Variants in MACROD2 observed in about 807,000 individuals in gnomAD.
MACROD2 encodes the protein ADP-ribose glycohydrolase MACROD2.
MACROD2 carries 36 observed loss-of-function variants against 70.4 expected under a neutral mutation model. That is an observed-to-expected ratio of 0.51 (90% CI 0.39 to 0.68). The LOEUF (loss-of-function observed/expected upper bound fraction) is 0.68. Among genes scored for constraint, MACROD2 ranks in the 30% least tolerant of loss-of-function variants. The pLI is 0.00. For synonymous variants in MACROD2, 172 were observed against 178.8 expected (o/e 0.96, Z 0.30); for missense variants, 496 against 538.4 (o/e 0.92, Z 0.78).
chr20:15,021,970 C>T (rs1218191874), intron 5 of MACROD2, among the ~76,000 whole-genome samples: 1 of 151,990 alleles, frequency 6.6e-6, no homozygotes, highest in Non-Finnish European at 1.5e-5. Context: ...ACTTTCAGCT[C>T]AATTCTTCTG....
chr20:14,343,203 C>T (rs1405016166), intron 3 of MACROD2, among the ~76,000 whole-genome samples: 1 of 151,478 alleles, frequency 6.6e-6, no homozygotes, highest in Non-Finnish European at 1.5e-5. Context: ...CTTGCCACTC[C>T]CCAGTGCCCT....
chr20:15,494,924 T>A (rs1202023203), intron 7 of MACROD2, among the ~76,000 whole-genome samples: 2 of 152,220 alleles, frequency 1.3e-5, no homozygotes, highest in African/African-American at 2.4e-5. Flanking sequence ...AGTAGAAAAC[T>A]AAGCTTTGGA....
intron 5 of MACROD2, among the ~76,000 whole-genome samples, chr20:14,927,932 C>T (rs1201128913): frequency 2.0e-5 from 3 of 152,152 alleles, no homozygotes; most frequent in African/African-American, 4.8e-5. Flanking sequence ...TTCAACAGTG[C>T]AGAATGCTGG....
chr20:14,521,155 C>A (rs776260662), intron 4 of MACROD2, among the ~76,000 whole-genome samples: 4 of 152,164 alleles, frequency 2.6e-5, no homozygotes, highest in Non-Finnish European at 4.4e-5. Context: ...TCATCTCTTC[C>A]ATATGCTTTC....
intron 5 of MACROD2, among the ~76,000 whole-genome samples, chr20:15,031,557 T>G (rs1600975191): frequency 6.6e-6 from 1 of 152,034 alleles, no homozygotes; most frequent in African/African-American, 2.4e-5. Flanking sequence ...GCGGCTAGCG[T>G]TCAGCAGAGA....
chr20:14,521,479 T>C lies in MACROD2; in HGVS notation c.301+27971T>C, dbSNP rs368584083. Among the ~76,000 whole-genome samples, 6 of 152,312 alleles carry C rather than the reference T, an allele frequency of 3.9e-5. No individual in the cohort carries two copies. The South Asian group carries it at 8.3e-4, about 21-fold the overall frequency. ...AAGATTATCTTTATATCCCTCTACC[T>C]GCAGGTTTGTCTCCTACGGAAGACT... On this transcript the variant is annotated intron_variant, in intron 4 of 17. Coordinates refer to ENST00000684519, the MANE Select transcript of MACROD2 (RefSeq NM_001351661.2).
chr20:15,286,895 G>A (rs1234575258), intron 6 of MACROD2, among the ~76,000 whole-genome samples: 1 of 152,104 alleles, frequency 6.6e-6, no homozygotes, highest in Non-Finnish European at 1.5e-5. Flanking sequence ...GGGTAGGCAT[G>A]GGTTGGAGAT....
At chr20:14,879,221 C>G (rs578189476) in intron 5 of MACROD2, among the ~76,000 whole-genome samples, 1 of 152,228 alleles carries the variant, frequency 6.6e-6, no homozygotes, top group South Asian at 2.1e-4. Context: ...TTTACATTCA[C>G]TAACAACCCA....
rs11372104 is a variant in MACROD2 at position 14,088,327 on chromosome 20, T to TAAA, written c.271+2617_271+2619dup. 3.3e-3 allele frequency among the ~76,000 whole-genome samples: 393 copies of TAAA among 117,848 alleles called. 7 individuals are homozygous for TAAA. Among genetic ancestry groups the TAAA allele is most frequent in the African/African-American group, 0.012 (351 of 30,268 alleles). The allele number at this position is 117,848 out of a possible 152,430, so 77.3% of individuals were successfully genotyped here. ...CCTGGCGTCAGAGCGAGACTCCATC[T>TAAA]AAAAAAAAAAAAAAAAAAAAGTTAA... On this transcript the variant is annotated intron_variant, in intron 3 of 17. Transcript: ENST00000684519.
chr20:15,784,767 C>A (rs2051892751), intron 8 of MACROD2, among the ~76,000 whole-genome samples: 1 of 151,820 alleles, frequency 6.6e-6, no homozygotes, highest in Admixed American at 6.6e-5. Context: ...AAATGGGGGG[C>A]CATGGTAGAT....
chr20:15,802,782 A>G (rs2063737690), intron 8 of MACROD2, among the ~76,000 whole-genome samples: 1 of 152,132 alleles, frequency 6.6e-6, no homozygotes, highest in African/African-American at 2.4e-5. Flanking sequence ...AAGACTAATC[A>G]AGAAAAAAGA....
At position 15,875,938 on chromosome 20, in the gene MACROD2, G is replaced by T. The variant is rs181918353; in HGVS notation, c.728-9826G>T. 1.9e-3 allele frequency among the ~76,000 whole-genome samples: 287 copies of T among 151,588 alleles called. 1 individual carries two copies. Among genetic ancestry groups the T allele is most frequent in the Middle Eastern group, 3.4e-3 (1 of 294 alleles). On this transcript the variant is annotated intron_variant, in intron 9 of 17. Coordinates refer to ENST00000684519, the MANE Select transcript of MACROD2 (RefSeq NM_001351661.2). ...TGAGGCAAATGCAGGGGAAAAAAAA[G>T]TCTTTTTAGGAATAATATATCAATA...
intron 3 of MACROD2, chr20:14,337,424 A>G: frequency 2.6e-6 from 1 of 390,692 alleles, no homozygotes; most frequent in Non-Finnish European, 4.5e-6. Context: ...AGAAAAAGCA[A>G]TCCTATATAC....
chr20:14,543,899 A>G (rs536616639), intron 4 of MACROD2, among the ~76,000 whole-genome samples: 12 of 152,278 alleles, frequency 7.9e-5, no homozygotes, highest in East Asian at 7.7e-4. Flanking sequence ...AAGTCTTATC[A>G]AAAAGAATTT....
At chr20:15,950,570 A>G (rs1249040410) in intron 12 of MACROD2, among the ~76,000 whole-genome samples, 1 of 152,182 alleles carries the variant, frequency 6.6e-6, no homozygotes, top group Non-Finnish European at 1.5e-5. Context: ...AGAAATCATG[A>G]CAATAGTTCA....
Position 15,280,849 on chromosome 20 carries a change from C to A in MACROD2, c.540+50788C>A, listed in dbSNP as rs185163813. On this transcript the variant is annotated intron_variant, in intron 6 of 17. Transcript: ENST00000684519. ...TTCCAAGATTAGATGAGACTGGGCACATTTAGGGTGGCATGGCCTCTGTAT... is the reference window on the plus strand; with the variant it reads ...TTCCAAGATTAGATGAGACTGGGCAAATTTAGGGTGGCATGGCCTCTGTAT... 1.8e-4 allele frequency: 28 copies of A among 152,296 alleles called. 1 individual carries two copies. In the East Asian group the frequency reaches 5.4e-3, roughly 29 times the overall value. 9.4% of individuals were successfully genotyped at this position (152,296 alleles called of 1,614,324 possible).
intron 5 of MACROD2, among the ~76,000 whole-genome samples, chr20:14,762,393 T>G (rs1272949510): frequency 6.6e-6 from 1 of 152,134 alleles, no homozygotes; most frequent in Non-Finnish European, 1.5e-5. Context: ...AGATAAGAGC[T>G]AGTAGTACTG....
intron 4 of MACROD2, among the ~76,000 whole-genome samples, chr20:14,660,902 G>A (rs1986193897): frequency 6.6e-6 from 1 of 152,004 alleles, no homozygotes; most frequent in African/African-American, 2.4e-5. Flanking sequence ...TTTAATGGCT[G>A]TGTAGTATTC....
intron 5 of MACROD2, among the ~76,000 whole-genome samples, chr20:15,010,958 TTGGAGTGACATCCTCAAAGCATGC>T (rs2075078196): frequency 6.6e-6 from 1 of 152,190 alleles, no homozygotes; most frequent in Non-Finnish European, 1.5e-5. Context: ...TTGACTTATT[TTGGAGTGACATCCTCAAAGCATGC>T]TGAGGACTGC....
Sources: allele counts gnomAD v4.1 joint callset (sites outside exome capture counted in the v4.1 genomes callset), GRCh38; gene constraint gnomAD v4.1.1; transcripts MANE v1.5; gene names NCBI Gene and HGNC (gene_info 2026-07-23, HGNC 2026-07-21).